The following ZYG11B variants were observed in gnomAD, a reference collection of about 807,000 sequenced individuals.
ZYG11B encodes protein zyg-11 homolog B.
Under a neutral mutation model 82.4 loss-of-function variants are expected in ZYG11B, and 36 were observed. The observed-to-expected ratio is 0.44, with a 90% CI of 0.33 to 0.58. The LOEUF is 0.58. ZYG11B is among the 20% of genes least tolerant of loss of function. The probability of loss-of-function intolerance (pLI) is 0.02; values close to 1 mark genes in which losing one functional copy is unlikely to be tolerated. For synonymous variants in ZYG11B, 303 were observed against 312.8 expected (o/e 0.97, Z 0.33); for missense variants, 552 against 895.6 (o/e 0.62, Z 4.90).
At chr1:52,783,805 T>TATATATATATATATATATATACACACAC (rs74185908) in intron 4 of ZYG11B, among the ~76,000 whole-genome samples, 1 of 135,004 alleles carries the variant, frequency 7.4e-6, no homozygotes. Flanking sequence ...TATATATATA[T>TATATATATATATATATATATACACACAC]ACACACACAC....
intron 1 of ZYG11B, among the ~76,000 whole-genome samples, chr1:52,751,673 CCT>C (rs940514664): frequency 1.3e-5 from 2 of 151,908 alleles, no homozygotes; most frequent in Non-Finnish European, 2.9e-5. Context: ...ATCTTCATAC[CCT>C]GTTTCTTGCA....
chr1:52,820,714 TAAAA>T (rs34434230), intron 13 of ZYG11B, among the ~76,000 whole-genome samples: 1 of 27,232 alleles, frequency 3.7e-5, no homozygotes, highest in Non-Finnish European at 5.6e-5. Context: ...AGACTGTCTT[TAAAA>T]AAAAAAAAAA....
rs201195282 is a variant in ZYG11B at position 52,796,292 on chromosome 1, G to A, written c.1335G>A (p.Arg445=). The change falls in exon 7 of 14, where the codon AGG becomes AGA. Residue 445 remains arginine (R), a splice_region_variant and synonymous_variant. Transcript: ENST00000294353. ...DRILQDVPFN[R]FEAAKLVMQW... is the part of the protein sequence containing the mutation. ...CATGAAACCCTTTTTGTGTTTTCAG[G>A]TTTGAAGCAGCCAAGCTTGTCATGC... 5 of 1,612,960 alleles carry A rather than the reference G, an allele frequency of 3.1e-6. No homozygotes were observed. In the East Asian group the frequency reaches 1.1e-4, roughly 36 times the overall value.
chr1:52,742,665 G>T (rs1422061461), intron 1 of ZYG11B, among the ~76,000 whole-genome samples: 2 of 151,732 alleles, frequency 1.3e-5, no homozygotes, highest in Non-Finnish European at 2.9e-5. Flanking sequence ...ACATGGTGAA[G>T]CCTCGTCTCT....
Position 52,771,194 on chromosome 1 carries a change from T to C in ZYG11B, c.371T>C (p.Ile124Thr). Residue 124 changes from isoleucine to threonine, a missense_variant, in exon 3 of 14, where the codon ATT becomes ACT. Physicochemically the swap from Ile to Thr is moderately conservative, Grantham distance 89. Around this residue, in one of 3 missense-constraint regions of ZYG11B, gnomAD observed 359 missense variants for 555.8 expected, o/e 0.65. Transcript: ENST00000294353. This position sits in a 1 kb window ranked among gnomAD's most constrained non-coding sequence, Gnocchi z 5.4. Reference sequence around the variant, plus strand: ...AATGCTGATATCACGATTACAGACATTATCAGTGGGCTTGGCAGTAACAAA... The same window carrying C: ...AATGCTGATATCACGATTACAGACACTATCAGTGGGCTTGGCAGTAACAAA... ...GVNADITITD[I>T]ISGLGSNKWI... The C allele has an allele frequency of 6.2e-7, 1 of 1,614,210 alleles. No homozygotes were observed. The highest frequency in any genetic ancestry group is 8.5e-7 in the Non-Finnish European group (1 of 1,180,026).
chr1:52,784,414 T>C (rs1364509491), intron 4 of ZYG11B, among the ~76,000 whole-genome samples: 1 of 152,208 alleles, frequency 6.6e-6, no homozygotes, highest in Admixed American at 6.5e-5. Flanking sequence ...GAAGGATTCG[T>C]TGGGGGTTTG....
intron 1 of ZYG11B, among the ~76,000 whole-genome samples, chr1:52,741,384 G>A (rs542339325): frequency 1.3e-5 from 2 of 150,786 alleles, no homozygotes; most frequent in South Asian, 4.2e-4. Context: ...GGAGTATTAC[G>A]ATGAGAAGTC....
chr1:52,756,192 G>T (rs186890828), intron 1 of ZYG11B, among the ~76,000 whole-genome samples: 1 of 152,284 alleles, frequency 6.6e-6, no homozygotes, highest in Non-Finnish European at 1.5e-5. Context: ...AGAACCCCCT[G>T]CTGTGTGCTT....
At position 52,750,608 on chromosome 1, in the gene ZYG11B, A is replaced by G. The variant is rs535706530; in HGVS notation, c.31-5850A>G. On this transcript the variant is annotated intron_variant, in intron 1 of 13. Coordinates refer to ENST00000294353, the MANE Select transcript of ZYG11B (RefSeq NM_024646.3). Reference sequence around the variant, plus strand: ...TTTTTAATAGCAGCTTTATTGAGATATAATTCACATACCATGCATTTCACC... The same window carrying G: ...TTTTTAATAGCAGCTTTATTGAGATGTAATTCACATACCATGCATTTCACC... 2.6e-5 allele frequency among the ~76,000 whole-genome samples: 4 copies of G among 152,272 alleles called. No individual in the cohort carries two copies. In the East Asian group the frequency reaches 7.7e-4, roughly 29 times the overall value.
Position 52,762,981 on chromosome 1 carries a change from G to T in ZYG11B, c.196+6358G>T, listed in dbSNP as rs75667362. On this transcript the variant is annotated intron_variant, in intron 2 of 13. Transcript: ENST00000294353. ...TTTTTGTAAAGGTGAGAGATTGGGGGGGGGGGGTCTAGTTTCATTCTTTTG... is the reference window on the plus strand; with the variant it reads ...TTTTTGTAAAGGTGAGAGATTGGGGTGGGGGGGTCTAGTTTCATTCTTTTG... Among the ~76,000 whole-genome samples, 67 of 139,402 alleles carry T rather than the reference G, an allele frequency of 4.8e-4. 1 individual carries two copies. Among genetic ancestry groups the T allele is most frequent in the Admixed American group, 1.3e-3 (18 of 13,476 alleles). The allele number at this position is 139,402 out of a possible 152,430, so 91.5% of individuals were successfully genotyped here. A position where few individuals can be genotyped will look rare whatever the true frequency, so the allele number is the denominator to read the frequency against.
chr1:52,786,711 C>T (rs574035234), intron 5 of ZYG11B, among the ~76,000 whole-genome samples: 5 of 152,286 alleles, frequency 3.3e-5, no homozygotes, highest in African/African-American at 1.2e-4. Flanking sequence ...GAGCCAGGCA[C>T]TCAAGGCTGC....
chr1:52,803,099 C>CACACACAT (rs1558139992), intron 10 of ZYG11B, among the ~76,000 whole-genome samples: 1 of 10,796 alleles, frequency 9.3e-5, no homozygotes, highest in Non-Finnish European at 1.8e-4. Flanking sequence ...TATATATATA[C>CACACACAT]ATATATATAT....
chr1:52,737,046 C>T (rs1644383924), intron 1 of ZYG11B, among the ~76,000 whole-genome samples: 1 of 151,230 alleles, frequency 6.6e-6, no homozygotes, highest in African/African-American at 2.4e-5. Context: ...GTTTTGCTTA[C>T]ACTGTTTCTT....
Position 52,776,229 on chromosome 1 carries a change from A to AAAAAAAAAAT in ZYG11B, c.952-3623_952-3622insAAAAAAAATA. Among the ~76,000 whole-genome samples the AAAAAAAAAAT allele has an allele frequency of 1.5e-3, 36 of 23,546 alleles. 3 individuals are homozygous for AAAAAAAAAAT. Among genetic ancestry groups the AAAAAAAAAAT allele is most frequent in the African/African-American group, 3.0e-3 (32 of 10,552 alleles). The allele number at this position is 23,546 out of a possible 152,430, so 15.4% of individuals were successfully genotyped here. A position where few individuals can be genotyped will look rare whatever the true frequency, so the allele number is the denominator to read the frequency against. On this transcript the variant is annotated intron_variant, in intron 3 of 13. Transcript: ENST00000294353. Reference sequence around the variant, plus strand: ...AGCAAAACTCTGTCTTAAAAAAAAAAATATATATATATATATGCAATAAAG... The same window carrying AAAAAAAAAAT: ...AGCAAAACTCTGTCTTAAAAAAAAAAAAAAAAAAATATATATATATATATATGCAATAAAG...
chr1:52,731,115 A>G (rs113577206), intron 1 of ZYG11B, among the ~76,000 whole-genome samples: 2,818 of 152,088 alleles, frequency 0.019, 73 homozygotes, highest in African/African-American at 0.064. Context: ...TCTACTAAAA[A>G]TGCAAAAATA....
chr1:52,780,037 C>T, intron 4 of ZYG11B, 44 bp downstream of exon 4: 1 of 1,554,178 alleles, frequency 6.4e-7, no homozygotes, highest in Middle Eastern at 1.7e-4. Flanking sequence ...AATGATCTCC[C>T]TGGGCAGATG....
At chr1:52,795,313 A>G (rs1483404697) in intron 6 of ZYG11B, among the ~76,000 whole-genome samples, 1 of 152,134 alleles carries the variant, frequency 6.6e-6, no homozygotes, top group Non-Finnish European at 1.5e-5. Context: ...CCATGATTGC[A>G]AGTTTCCTGA....
intron 13 of ZYG11B, 38 bp downstream of exon 13, chr1:52,816,667 T>G (rs1645226839): frequency 9.1e-6 from 13 of 1,426,276 alleles, no homozygotes; most frequent in East Asian, 2.3e-5. Context: ...TTTTTTTCTT[T>G]AAGTGAAATT....
At chr1:52,767,359 C>G (rs985886286) in intron 2 of ZYG11B, among the ~76,000 whole-genome samples, 1 of 151,358 alleles carries the variant, frequency 6.6e-6, no homozygotes, top group African/African-American at 2.4e-5. Flanking sequence ...AGCCGGAGTG[C>G]AATGGTGCGA....
Sources: allele counts gnomAD v4.1 joint callset (sites outside exome capture counted in the v4.1 genomes callset), GRCh38; gene constraint gnomAD v4.1.1; regional missense constraint gnomAD v4.1.1; non-coding constraint Gnocchi (gnomAD v3.1); transcripts MANE v1.5; gene names NCBI Gene and HGNC (gene_info 2026-07-23, HGNC 2026-07-21).